The following C8A variants were observed in gnomAD, a reference collection of about 807,000 sequenced individuals.
C8A encodes complement C8 alpha chain.
In C8A, 67 loss-of-function variants were observed where a neutral mutation model predicts 65.3. That is an observed-to-expected ratio of 1.03 (90% CI 0.84 to 1.26). The LOEUF (loss-of-function observed/expected upper bound fraction) is 1.26, where lower values mean the gene tolerates loss of function less well. Ranked by LOEUF, C8A falls within the 50% of genes most tolerant of loss-of-function variation. The probability of loss-of-function intolerance (pLI) is 0.00; values close to 1 mark genes in which losing one functional copy is unlikely to be tolerated. For synonymous variants in C8A, 290 were observed against 259.4 expected (o/e 1.12, Z -1.13); for missense variants, 781 against 723.9 (o/e 1.08, Z -0.90).
At chr1:56,903,794 T>C (rs1247931249) in intron 7 of C8A, among the ~76,000 whole-genome samples, 1 of 152,220 alleles carries the variant, frequency 6.6e-6, no homozygotes, top group African/African-American at 2.4e-5. Context: ...GAAAAACAGA[T>C]TCCTGATTTC....
chr1:56,866,035 A>T (rs1644084786), intron 1 of C8A, among the ~76,000 whole-genome samples: 1 of 152,210 alleles, frequency 6.6e-6, no homozygotes, highest in Non-Finnish European at 1.5e-5. Context: ...CATGCCACTA[A>T]CATGTAAGAA....
chr1:56,881,278 T>G (rs557270146), intron 4 of C8A, among the ~76,000 whole-genome samples, 167 bp from the exon 5 acceptor site: 4 of 152,338 alleles, frequency 2.6e-5, no homozygotes, highest in Admixed American at 6.5e-5. Flanking sequence ...GCTTTTGCTT[T>G]TTAATTTCCA....
chr1:56,917,438 G>A (rs894802221), intron 10 of C8A, 127 bp from the exon 11 acceptor site: 19 of 898,568 alleles, frequency 2.1e-5, no homozygotes, highest in African/African-American at 6.6e-5. Context: ...AGCTGCAGTC[G>A]ACCAGAGGAG....
chr1:56,856,823 A>G (rs1279845845), intron 1 of C8A, among the ~76,000 whole-genome samples: 10 of 151,976 alleles, frequency 6.6e-5, no homozygotes, highest in Non-Finnish European at 1.2e-4. Flanking sequence ...TTATAAGTTC[A>G]TGTTTAACAG....
At chr1:56,910,273 A>T (rs1644495540) in intron 9 of C8A, among the ~76,000 whole-genome samples, 2 of 152,166 alleles carry the variant, frequency 1.3e-5, no homozygotes, top group Admixed American at 6.5e-5. Flanking sequence ...GTGTTGTGTG[A>T]TATATTATTA....
chr1:56,912,283 G>C (rs1165725734), intron 9 of C8A, 120 bp from the exon 10 acceptor site: 2 of 802,826 alleles, frequency 2.5e-6, no homozygotes, highest in Non-Finnish European at 4.2e-6. Flanking sequence ...GGATAAATTG[G>C]GTGTCTGTGT....
chr1:56,896,896 C>T (rs1557710869), intron 7 of C8A, among the ~76,000 whole-genome samples: 2 of 152,188 alleles, frequency 1.3e-5, no homozygotes, highest in South Asian at 4.1e-4. Flanking sequence ...TACACATCAT[C>T]TTATCCAAGC....
intron 2 of C8A, among the ~76,000 whole-genome samples, chr1:56,872,870 A>G (rs1644159757): frequency 6.6e-6 from 1 of 152,058 alleles, no homozygotes; most frequent in South Asian, 2.1e-4. Flanking sequence ...TGGAAGGCAC[A>G]TCCAGAAATA....
intron 1 of C8A, among the ~76,000 whole-genome samples, chr1:56,864,295 G>A (rs1218865083): frequency 1.3e-5 from 2 of 152,178 alleles, no homozygotes; most frequent in Non-Finnish European, 2.9e-5. Context: ...GTGATTGAGG[G>A]AACAGTGGGG....
intron 8 of C8A, among the ~76,000 whole-genome samples, chr1:56,907,712 C>T (rs1277934148): frequency 6.6e-6 from 1 of 152,164 alleles, no homozygotes; most frequent in African/African-American, 2.4e-5. Flanking sequence ...TTCCTGTTCC[C>T]CTTATCCTCC....
chr1:56,906,722 T>A lies in C8A; in HGVS notation c.1152T>A (p.Tyr384Ter), dbSNP rs1286367946. 6.2e-7 allele frequency: 1 copy of A among 1,613,980 alleles called. No homozygotes were observed. Among genetic ancestry groups the A allele is most frequent in the Non-Finnish European group, 8.5e-7 (1 of 1,179,970 alleles). The change falls in exon 8 of 11, where the codon TAT becomes TAA. Residue 384 changes from tyrosine to a stop codon, truncating the protein, a stop_gained. Transcript: ENST00000361249. LOFTEE classifies it high-confidence loss of function. ...TCFGGSLGIQYEDKINVGGGL... is the reference protein window; with the variant it reads ...TCFGGSLGIQ ...TTGGAGGCTCCTTGGGCATTCAATA[T>A]GAAGACAAAATAAATGTTGGTGGAG...
At chr1:56,857,330 A>ACG (rs1553172969) in intron 1 of C8A, among the ~76,000 whole-genome samples, 1 of 151,398 alleles carries the variant, frequency 6.6e-6, no homozygotes, top group Non-Finnish European at 1.5e-5. Context: ...ACACACACAC[A>ACG]TCTAGAGTTA....
At chr1:56,881,317 C>A (rs187084683) in intron 4 of C8A, 128 bp from the exon 5 acceptor site, 5 of 919,504 alleles carry the variant, frequency 5.4e-6, no homozygotes, top group Non-Finnish European at 8.8e-6. Flanking sequence ...GGGGTACATG[C>A]GCAGGATGTG....
At chr1:56,883,454 G>A (rs1290959623) in intron 5 of C8A, 27 bp from the exon 6 acceptor site, 2 of 1,586,402 alleles carry the variant, frequency 1.3e-6, no homozygotes, top group African/African-American at 1.3e-5. Context: ...TGTGCACAAA[G>A]CTAATATCTA....
chr1:56,890,359 C>T (rs998767251), intron 7 of C8A, among the ~76,000 whole-genome samples: 11 of 152,134 alleles, frequency 7.2e-5, no homozygotes, highest in African/African-American at 2.7e-4. Flanking sequence ...TCAACCATGT[C>T]CACATGAGTA....
chr1:56,890,558 T>C (rs139546131), intron 7 of C8A, among the ~76,000 whole-genome samples: 1 of 152,234 alleles, frequency 6.6e-6, no homozygotes, highest in African/African-American at 2.4e-5. Flanking sequence ...CCTCTATTAC[T>C]GTCTCACTTG....
chr1:56,856,132 C>T lies in C8A; in HGVS notation c.77+1154C>T, dbSNP rs145202163. 4.3e-3 allele frequency among the ~76,000 whole-genome samples: 647 copies of T among 152,182 alleles called. 9 individuals carry two copies. Among genetic ancestry groups the T allele is most frequent in the African/African-American group, 0.015 (609 of 41,548 alleles). ...AAGGCAAAATGGAACCAATTAAATA[C>T]TTTACAAAGTGCTGAAGGAGGAAAT... On this transcript the variant is annotated intron_variant, in intron 1 of 10. Coordinates refer to ENST00000361249, the MANE Select transcript of C8A (RefSeq NM_000562.3).
At chr1:56,862,307 C>T (rs1263267901) in intron 1 of C8A, among the ~76,000 whole-genome samples, 1 of 152,156 alleles carries the variant, frequency 6.6e-6, no homozygotes, top group East Asian at 1.9e-4. Flanking sequence ...GGACTCTAAA[C>T]CTCTTTCTTT....
At chr1:56,886,992 T>C (rs1644305289) in intron 7 of C8A, among the ~76,000 whole-genome samples, 1 of 152,142 alleles carries the variant, frequency 6.6e-6, no homozygotes, top group African/African-American at 2.4e-5. Context: ...CAGCTGTCTG[T>C]GTTTTAACAT....
Sources: gnomAD v4.1 joint callset for allele counts (sites outside exome capture counted in the v4.1 genomes callset) on GRCh38, gnomAD v4.1.1 for gene constraint, MANE v1.5 for transcripts, NCBI Gene and HGNC (gene_info 2026-07-23, HGNC 2026-07-21) for gene names.